Variants in SSH2 observed in about 807,000 individuals in gnomAD.
The protein encoded by SSH2 is slingshot protein phosphatase 2.
SSH2 carries 37 observed loss-of-function variants against 135.2 expected under a neutral mutation model. That is an observed-to-expected ratio of 0.27 (90% CI 0.21 to 0.36). The LOEUF is 0.36. Among genes scored for constraint, SSH2 ranks in the 10% least tolerant of loss-of-function variants. SSH2 has a pLI of 1.00. For missense variants in SSH2, 1,408 were observed against 1,765.3 expected, an observed-to-expected ratio of 0.80 and a Z score of 3.63; for synonymous variants, 628 against 646.2, an observed-to-expected ratio of 0.97 and a Z score of 0.43.
chr17:29,652,582 C>A (rs2036620985), intron 12 of SSH2, among the ~76,000 whole-genome samples: 1 of 152,052 alleles, frequency 6.6e-6, no homozygotes, highest in Non-Finnish European at 1.5e-5. Context: ...AGGCAACACT[C>A]CAGCCTGGGT....
chr17:29,842,958 G>C (rs576227736), intron 2 of SSH2, among the ~76,000 whole-genome samples: 37 of 152,248 alleles, frequency 2.4e-4, no homozygotes, highest in Non-Finnish European at 5.0e-4. Flanking sequence ...CATCTTCTTA[G>C]CACCAAATTT....
chr17:29,707,173 C>T (rs2039240914), intron 3 of SSH2: 1 of 151,864 alleles, frequency 6.6e-6, no homozygotes, highest in Non-Finnish European at 1.5e-5. Context: ...AAAGAACTTC[C>T]TGGTTTTTGG....
At chr17:29,667,346 T>C in intron 9 of SSH2, 123 bp from the exon 10 acceptor site, 1 of 754,704 alleles carries the variant, frequency 1.3e-6, no homozygotes. Context: ...CCAAAATCGG[T>C]TCTAGAGATC....
intron 1 of SSH2, among the ~76,000 whole-genome samples, chr17:29,896,503 G>A (rs1417877349): frequency 6.7e-6 from 1 of 149,280 alleles, no homozygotes; most frequent in African/African-American, 2.4e-5. Context: ...ACAGGCACTT[G>A]GGCATCTGTA....
At chr17:29,671,887 C>T in intron 9 of SSH2, 48 bp downstream of exon 9, 2 of 1,515,058 alleles carry the variant, frequency 1.3e-6, no homozygotes, top group African/African-American at 1.4e-5. Context: ...TATGACTCCT[C>T]AGGACATAAT....
intron 1 of SSH2, among the ~76,000 whole-genome samples, chr17:29,896,846 G>A (rs1255332842): frequency 6.6e-6 from 1 of 151,678 alleles, no homozygotes; most frequent in Non-Finnish European, 1.5e-5. Context: ...GAGTAAGTCT[G>A]TAATTAAATG....
At chr17:29,822,876 C>T (rs553781265) in intron 2 of SSH2, among the ~76,000 whole-genome samples, 2 of 152,264 alleles carry the variant, frequency 1.3e-5, no homozygotes, top group South Asian at 2.1e-4. Context: ...ATTCACTGTA[C>T]TGTGCTGTGG....
chr17:29,708,707 T>C (rs970952911), intron 3 of SSH2, among the ~76,000 whole-genome samples: 4 of 151,676 alleles, frequency 2.6e-5, no homozygotes, highest in Non-Finnish European at 5.9e-5. Flanking sequence ...AGAACTGCAG[T>C]AAACTCTATG....
intron 1 of SSH2, among the ~76,000 whole-genome samples, chr17:29,927,488 G>A (rs1008012487): frequency 3.3e-5 from 5 of 152,118 alleles, no homozygotes; most frequent in South Asian, 4.1e-4. Flanking sequence ...TATTAACAGC[G>A]TACTTAAAGT....
intron 3 of SSH2, among the ~76,000 whole-genome samples, chr17:29,741,646 GTTC>G (rs2040559603): frequency 5.5e-5 from 6 of 108,518 alleles, no homozygotes; most frequent in Non-Finnish European, 9.3e-5. Flanking sequence ...ACATTGTTTT[GTTC>G]TTCTTGCCCA....
chr17:29,784,558 C>T (rs2041919827), intron 3 of SSH2, among the ~76,000 whole-genome samples: 1 of 150,726 alleles, frequency 6.6e-6, no homozygotes. Flanking sequence ...GATTGCACCC[C>T]ACTGCACTCC....
At chr17:29,664,271 G>T (rs998869271) in intron 11 of SSH2, among the ~76,000 whole-genome samples, 1 of 151,954 alleles carries the variant, frequency 6.6e-6, no homozygotes, top group Non-Finnish European at 1.5e-5. Context: ...TACTTGGGAG[G>T]CTGAGGCAGG....
intron 3 of SSH2, among the ~76,000 whole-genome samples, chr17:29,793,209 A>G (rs2042101766): frequency 6.6e-6 from 1 of 152,186 alleles, no homozygotes; most frequent in African/African-American, 2.4e-5. Flanking sequence ...GATTTCTCTC[A>G]CAATTGTTTT....
intron 14 of SSH2, among the ~76,000 whole-genome samples, 191 bp from the exon 15 acceptor site, chr17:29,636,993 TGA>T (rs2035939892): frequency 6.6e-6 from 1 of 152,164 alleles, no homozygotes; most frequent in Admixed American, 6.5e-5. Flanking sequence ...CAAATGAGTG[TGA>T]GTTTTTTTTA....
chr17:29,669,343 A>T (rs1052665419), intron 9 of SSH2, among the ~76,000 whole-genome samples: 1 of 152,208 alleles, frequency 6.6e-6, no homozygotes, highest in African/African-American at 2.4e-5. Flanking sequence ...TGGGCATAAC[A>T]CCAGATGTGT....
At chr17:29,815,513 G>A (rs1044652163) in intron 2 of SSH2, among the ~76,000 whole-genome samples, 8 of 152,114 alleles carry the variant, frequency 5.3e-5, no homozygotes, top group Admixed American at 2.6e-4. Flanking sequence ...TGCCTGCCTC[G>A]GCCTCCCGAA....
intron 1 of SSH2, among the ~76,000 whole-genome samples, chr17:29,875,630 AT>A (rs978310525): frequency 7.9e-5 from 12 of 152,146 alleles, no homozygotes; most frequent in African/African-American, 2.9e-4. Flanking sequence ...GCCTCACATG[AT>A]TTCATCCTTA....
chr17:29,842,244 AGG>A (rs1388700398), intron 2 of SSH2, among the ~76,000 whole-genome samples: 1 of 151,988 alleles, frequency 6.6e-6, no homozygotes, highest in East Asian at 1.9e-4. Context: ...ACCTGAGGTC[AGG>A]AGTTCAAGAC....
intron 1 of SSH2, among the ~76,000 whole-genome samples, chr17:29,927,776 A>G (rs1237145286): frequency 1.3e-5 from 2 of 152,220 alleles, no homozygotes; most frequent in Non-Finnish European, 2.9e-5. Flanking sequence ...AATGATGCTG[A>G]TTGTTACACC....
Sources: allele counts gnomAD v4.1 joint callset (sites outside exome capture counted in the v4.1 genomes callset), GRCh38; gene constraint gnomAD v4.1.1; transcripts MANE v1.5; gene names NCBI Gene and HGNC (gene_info 2026-07-23, HGNC 2026-07-21).